The following BIN1 variants were observed in gnomAD, a reference collection of about 807,000 sequenced individuals.
The protein encoded by BIN1 is bridging integrator 1, also known as myc box-dependent-interacting protein 1.
BIN1 carries 53 observed loss-of-function variants against 82.0 expected under a neutral mutation model. The ratio of observed to expected loss-of-function variants is 0.65; its 90% CI spans 0.52 to 0.81. The LOEUF (loss-of-function observed/expected upper bound fraction) is 0.81, where lower values mean the gene tolerates loss of function less well. BIN1 is among the 40% of genes least tolerant of loss of function. The pLI, the probability that BIN1 is intolerant of heterozygous loss-of-function variation, is 0.00. For synonymous variants in BIN1, 302 were observed against 328.0 expected, an observed-to-expected ratio of 0.92 and a Z score of 0.86; for missense variants, 642 against 784.4, an observed-to-expected ratio of 0.82 and a Z score of 2.17.
chr2:127,097,150 A>C (rs1679706184), intron 1 of BIN1, among the ~76,000 whole-genome samples: 1 of 152,174 alleles, frequency 6.6e-6, no homozygotes, highest in Non-Finnish European at 1.5e-5. Context: ...GCTCTGACCC[A>C]GCTCTGCAAC....
chr2:127,070,026 T>C lies in BIN1; in HGVS notation c.380A>G (p.Asp127Gly), dbSNP rs1329715143. ...KLVDQALLTM[D>G]TYLGQFPDIK... ...GTCGGGGAACTGGCCCAGGTACGTGTCCATGGTCAGCAGCGCCTGGTCCAC... is the reference window on the plus strand; with the variant it reads ...GTCGGGGAACTGGCCCAGGTACGTGCCCATGGTCAGCAGCGCCTGGTCCAC... The change falls in exon 5 of 19, where the codon GAC becomes GGC. Residue 127 changes from aspartate (D) to glycine (G), a missense_variant. Coordinates refer to ENST00000316724, the MANE Select transcript of BIN1 (RefSeq NM_139343.3). 1 of 1,614,084 alleles carries C rather than the reference T, an allele frequency of 6.2e-7. No homozygotes were observed. Among genetic ancestry groups the C allele is most frequent in the Admixed American group, 1.7e-5 (1 of 60,022 alleles).
At chr2:127,087,881 A>G (rs1332290171) in intron 1 of BIN1, among the ~76,000 whole-genome samples, 1 of 152,098 alleles carries the variant, frequency 6.6e-6, no homozygotes, top group Non-Finnish European at 1.5e-5. Context: ...CCATCCCCCA[A>G]GCTGAGTCTA....
At position 127,070,371 on chromosome 2, in the gene BIN1, C is replaced by T. The variant is rs554484761; in HGVS notation, c.315+182G>A. On this transcript the variant is annotated intron_variant, in intron 4 of 18. Transcript: ENST00000316724. ...GACCACGACCCACCATCTGACCCACCTTGGTGTGAGGGCGTGTCAGGAGAA... is the reference window on the plus strand; with the variant it reads ...GACCACGACCCACCATCTGACCCACTTTGGTGTGAGGGCGTGTCAGGAGAA... 7.2e-5 allele frequency among the ~76,000 whole-genome samples: 11 copies of T among 152,314 alleles called. 1 individual carries two copies. Among genetic ancestry groups the T allele is most frequent in the African/African-American group, 2.4e-4 (10 of 41,572 alleles).
At chr2:127,092,764 G>T in intron 1 of BIN1, among the ~76,000 whole-genome samples, 1 of 152,322 alleles carries the variant, frequency 6.6e-6, no homozygotes, top group Non-Finnish European at 1.5e-5. Context: ...TCCCGGGGAA[G>T]GGCCAACACA....
At position 127,068,249 on chromosome 2, in the gene BIN1, A is replaced by C; in HGVS notation, c.526T>G (p.Ser176Ala). 3 of 1,612,564 alleles carry C rather than the reference A, an allele frequency of 1.9e-6. No individual in the cohort carries two copies. Among genetic ancestry groups the C allele is most frequent in the Non-Finnish European group, 2.5e-6 (3 of 1,179,894 alleles). The change falls in exon 7 of 19, where the codon TCG (serine) becomes GCG (alanine). Residue 176 changes from serine to alanine, a missense_variant. Ser to Ala is a moderately conservative substitution (Grantham distance 99, BLOSUM62 1). Transcript: ENST00000316724. This position sits in a 1 kb window ranked among gnomAD's most constrained non-coding sequence, Gnocchi z 4.9. ...KDEAKIAKPV[S>A]LLEKAAPQWC... The stretch of plus-strand genomic sequence containing the variant: ...TGGGGGGCGGCTTTCTCAAGCAGCG[A>C]GACAGGCTGGGGTGGGGAGGTCAAG...
At position 127,051,218 on chromosome 2, in the gene BIN1, C is replaced by G. The variant is rs762512900; in HGVS notation, c.1397G>C (p.Gly466Ala). 3.1e-6 allele frequency: 5 copies of G among 1,613,774 alleles called. No individual in the cohort carries two copies. The South Asian group carries it at 3.3e-5, about 11-fold the overall frequency. Residue 466 changes from glycine to alanine, a missense_variant, in exon 16 of 19, where the codon GGT becomes GCT. Physicochemically the swap from Gly to Ala is moderately conservative, Grantham distance 60 (BLOSUM62 0). Transcript: ENST00000316724. ...AQPAEASEVAGGTQPAAGAQE... is the reference protein window; with the variant it reads ...AQPAEASEVAAGTQPAAGAQE... ...GGCTCCAGCCGCAGGTTGGGTCCCACCCGCCACCTCCGAGGCCTCTGCTGG... is the reference window on the plus strand; with the variant it reads ...GGCTCCAGCCGCAGGTTGGGTCCCAGCCGCCACCTCCGAGGCCTCTGCTGG...
At position 127,048,635 on chromosome 2, in the gene BIN1, TGA is replaced by T. The variant is rs781695394; in HGVS notation, c.1675-4_1675-3del. On this transcript the variant is annotated splice_polypyrimidine_tract_variant and splice_region_variant and intron_variant, in intron 18 of 18. Transcript: ENST00000316724. Reference sequence around the variant, plus strand: ...CACGCCCATGAGCCAGCCTTCATCCTGAGGGGCAGAGCACCAGGTCGCACAGG... The same window carrying T: ...CACGCCCATGAGCCAGCCTTCATCCTGGGGCAGAGCACCAGGTCGCACAGG... 1.2e-6 allele frequency: 2 copies of T among 1,612,572 alleles called. No individual in the cohort carries two copies. The highest frequency in any genetic ancestry group is 2.2e-5 in the South Asian group (2 of 91,018).
intron 16 of BIN1, 52 bp from the exon 17 acceptor site, chr2:127,050,964 C>T: frequency 2.5e-6 from 4 of 1,578,690 alleles, no homozygotes; most frequent in Non-Finnish European, 3.5e-6. Flanking sequence ...CAGGGACAGC[C>T]AGGGCCACCG....
In BIN1 at chr2:127,090,059, C is replaced by T. The variant is rs1678717815; in HGVS notation, c.85-13353G>A. ...GCACCTGCTCCTGCGGCTCACAGTC[C>T]ACTGCAGCATGGCCAGTTCCTTGGA... On this transcript the variant is annotated intron_variant, in intron 1 of 18. Transcript: ENST00000316724. The surrounding 1 kb of genome is among the most constrained non-coding windows in gnomAD (Gnocchi z 6.4). 1.3e-5 allele frequency among the ~76,000 whole-genome samples: 2 copies of T among 151,934 alleles called. No individual in the cohort carries two copies. Among genetic ancestry groups the T allele is most frequent in the African/African-American group, 2.4e-5 (1 of 41,322 alleles).
intron 4 of BIN1, 41 bp downstream of exon 4, chr2:127,070,512 G>A (rs1429079132): frequency 1.2e-6 from 2 of 1,602,464 alleles, no homozygotes; most frequent in Middle Eastern, 3.3e-4. Flanking sequence ...TGAGACCAGA[G>A]GGCCCTCTGA....
chr2:127,099,706 G>A (rs559659592), intron 1 of BIN1, among the ~76,000 whole-genome samples: 6 of 152,094 alleles, frequency 3.9e-5, no homozygotes, highest in South Asian at 2.1e-4. Context: ...TAGAGACGGG[G>A]GTTCACCATG....
At chr2:127,051,283 G>C in intron 15 of BIN1, 40 bp from the exon 16 acceptor site, 1 of 1,603,478 alleles carries the variant, frequency 6.2e-7, no homozygotes. Context: ...ACACAGGACA[G>C]GACACAGCCA....
intron 18 of BIN1, 51 bp from the exon 19 acceptor site, chr2:127,048,684 C>T: frequency 6.4e-7 from 1 of 1,563,264 alleles, no homozygotes. Flanking sequence ...GGCTCCACCC[C>T]ACAGGGCACG....
chr2:127,068,313 GA>G lies in BIN1; in HGVS notation c.520-59del. On this transcript the variant is annotated intron_variant, in intron 6 of 18. Transcript: ENST00000316724. This position sits in a 1 kb window ranked among gnomAD's most constrained non-coding sequence, Gnocchi z 4.9. ...GAGAGACCAGGGAGGTGGGGAGAGAGAAACAGAGACACACAGATTAAATGCA... is the reference window on the plus strand; with the variant it reads ...GAGAGACCAGGGAGGTGGGGAGAGAGAACAGAGACACACAGATTAAATGCA... 7.1e-7 allele frequency: 1 copy of G among 1,414,716 alleles called. No individual in the cohort carries two copies. Among genetic ancestry groups the G allele is most frequent in the Non-Finnish European group, 9.8e-7 (1 of 1,018,954 alleles). The allele number at this position is 1,414,716 out of a possible 1,614,324, so 87.6% of individuals were successfully genotyped here. A position where few individuals can be genotyped will look rare whatever the true frequency, so the allele number is the denominator to read the frequency against.
Position 127,063,525 on chromosome 2 carries a change from C to T in BIN1, c.774+46G>A, listed in dbSNP as rs57378775. On this transcript the variant is annotated intron_variant, in intron 9 of 18. Coordinates refer to ENST00000316724, the MANE Select transcript of BIN1 (RefSeq NM_139343.3). ...CTCCCACGACTCTGACTCTGACCCT[C>T]GGCCAGGGTGGGGTGTGGCCCCTCA... 660 of 1,585,486 alleles carry T rather than the reference C, an allele frequency of 4.2e-4. 3 individuals carry two copies. In the African/African-American group the frequency reaches 7.9e-3, roughly 19 times the overall value.
At chr2:127,078,192 C>G (rs532505768) in intron 1 of BIN1, among the ~76,000 whole-genome samples, 60 of 152,302 alleles carry the variant, frequency 3.9e-4, no homozygotes, top group African/African-American at 1.3e-3. Flanking sequence ...CTTCCCCCCC[C>G]AGCCAGGCCC....
intron 1 of BIN1, among the ~76,000 whole-genome samples, chr2:127,094,121 A>G (rs11678252): frequency 0.4 from 60,411 of 152,064 alleles, 12,214 homozygotes; most frequent in Middle Eastern, 0.49. Flanking sequence ...ACCCTCCCAC[A>G]CAGGATACTA....
chr2:127,059,037 C>A lies in BIN1; in HGVS notation c.976G>T (p.Ala326Ser). The A allele has an allele frequency of 6.4e-7, 1 of 1,562,638 alleles. No individual in the cohort carries two copies. Among genetic ancestry groups the A allele is most frequent in the East Asian group, 2.4e-5 (1 of 42,298 alleles). Residue 326 changes from alanine (A) to serine (S), a missense_variant, in exon 11 of 19, where the codon GCC (alanine) becomes TCC (serine). Physicochemically the swap from Ala to Ser is moderately conservative, Grantham distance 99 (BLOSUM62 1). Transcript: ENST00000316724. The surrounding 1 kb of genome is among the most constrained non-coding windows in gnomAD (Gnocchi z 6.7). ...TGAGATGGGGACTTGGGGAGGGTGG[C>A]CCCGGGCGTGGCCCCGCCGGCCGGC... is the stretch of plus-strand genomic sequence containing the variant. Reference protein sequence around the residue: ...PEPAGGATPGATLPKSPSQLR... With the variant: ...PEPAGGATPGSTLPKSPSQLR...
intron 1 of BIN1, among the ~76,000 whole-genome samples, chr2:127,101,328 C>T: frequency 6.6e-6 from 1 of 152,190 alleles, no homozygotes; most frequent in East Asian, 1.9e-4. Flanking sequence ...GTGCCCCTCA[C>T]CTGGGACGGG....
Sources: allele counts gnomAD v4.1 joint callset (sites outside exome capture counted in the v4.1 genomes callset), GRCh38; gene constraint gnomAD v4.1.1; non-coding constraint Gnocchi (gnomAD v3.1); transcripts MANE v1.5; gene names NCBI Gene and HGNC (gene_info 2026-07-23, HGNC 2026-07-21).